Variants in KAT6A observed in about 807,000 individuals in gnomAD.
KAT6A encodes the protein lysine acetyltransferase 6A.
In KAT6A, 9 loss-of-function variants were observed where a neutral mutation model predicts 198.4. That is an observed-to-expected ratio of 0.05 (90% CI 0.03 to 0.08). The LOEUF (loss-of-function observed/expected upper bound fraction) is 0.08. Among genes scored for constraint, KAT6A ranks in the 10% least tolerant of loss-of-function variants. KAT6A has a pLI of 1.00. For synonymous variants in KAT6A, 890 were observed against 883.0 expected (o/e 1.01, Z -0.14); for missense variants, 2,077 against 2,509.9 (o/e 0.83, Z 3.69).
At chr8:41,971,463 C>T (rs1023878613) in intron 8 of KAT6A, among the ~76,000 whole-genome samples, 5 of 151,994 alleles carry the variant, frequency 3.3e-5, no homozygotes, top group Non-Finnish European at 5.9e-5. Context: ...CAAGGTGCAG[C>T]GACTGCAAAG....
intron 8 of KAT6A, among the ~76,000 whole-genome samples, chr8:41,960,413 C>A (rs1823147869): frequency 7.0e-6 from 1 of 143,062 alleles, no homozygotes; most frequent in Non-Finnish European, 1.5e-5. Context: ...ACTAAAAATA[C>A]AAAGAATGGC....
At chr8:42,005,670 T>A (rs1242420421) in intron 2 of KAT6A, among the ~76,000 whole-genome samples, 3 of 152,062 alleles carry the variant, frequency 2.0e-5, no homozygotes, top group Non-Finnish European at 4.4e-5. Flanking sequence ...AAAAACTGTT[T>A]TACAGGCTGC....
At chr8:41,980,309 C>T (rs950756898) in intron 5 of KAT6A, among the ~76,000 whole-genome samples, 5 of 151,902 alleles carry the variant, frequency 3.3e-5, no homozygotes, top group East Asian at 1.9e-4. Flanking sequence ...CATTAAGCTG[C>T]GCCCTTACAA....
chr8:42,011,895 G>GAAAAAAAAAA (rs35104277), intron 2 of KAT6A, among the ~76,000 whole-genome samples: 2 of 114,286 alleles, frequency 1.7e-5, no homozygotes, highest in Non-Finnish European at 3.8e-5. Context: ...AAAAGAAGAG[G>GAAAAAAAAAA]AAAAAAAAAA....
At chr8:41,959,680 G>A (rs1823096574) in intron 8 of KAT6A, among the ~76,000 whole-genome samples, 1 of 152,140 alleles carries the variant, frequency 6.6e-6, no homozygotes, top group African/African-American at 2.4e-5. Context: ...GGCAATGGTT[G>A]GGCGCTGGTG....
rs1821560717 is a variant in KAT6A, at chr8:41,931,861, T to TA, written c.*343dup. 4.3e-6 allele frequency: 1 copy of TA among 233,068 alleles called. No individual in the cohort carries two copies. The highest frequency in any genetic ancestry group is 8.4e-6 in the Non-Finnish European group (1 of 118,924). 14.4% of individuals were successfully genotyped at this position (233,068 alleles called of 1,614,324 possible). A position where few individuals can be genotyped will look rare whatever the true frequency, so the allele number is the denominator to read the frequency against. The stretch of plus-strand genomic sequence containing the variant: ...GGAAACATACATTTTAAAATAAAGA[T>TA]AATTCACTTTTACACAAATTCTGTC... On this transcript the variant is annotated 3_prime_UTR_variant, in exon 17 of 17. Coordinates refer to ENST00000265713, the MANE Select transcript of KAT6A (RefSeq NM_006766.5).
At chr8:41,938,890 G>C (rs755280352) in intron 15 of KAT6A, among the ~76,000 whole-genome samples, 1 of 148,714 alleles carries the variant, frequency 6.7e-6, no homozygotes, top group African/African-American at 2.5e-5. Flanking sequence ...GGAGGTTGCA[G>C]TGAGCTGAGA....
chr8:42,025,598 T>C (rs1377026186), intron 2 of KAT6A, among the ~76,000 whole-genome samples: 1 of 152,178 alleles, frequency 6.6e-6, no homozygotes, highest in Non-Finnish European at 1.5e-5. Flanking sequence ...AACTTGTTAA[T>C]AGGATTATTT....
chr8:42,033,570 C>T (rs1587850258), intron 2 of KAT6A, among the ~76,000 whole-genome samples: 1 of 152,144 alleles, frequency 6.6e-6, no homozygotes, highest in Non-Finnish European at 1.5e-5. Flanking sequence ...TACTCTCTTT[C>T]CCACCGCACC....
At chr8:42,031,769 T>A (rs988868578) in intron 2 of KAT6A, among the ~76,000 whole-genome samples, 1 of 151,458 alleles carries the variant, frequency 6.6e-6, no homozygotes, top group Non-Finnish European at 1.5e-5. Flanking sequence ...TAGCTGGGAT[T>A]ACAGACACCC....
chr8:41,990,057 A>T (rs987307747), intron 2 of KAT6A, among the ~76,000 whole-genome samples: 1 of 152,124 alleles, frequency 6.6e-6, no homozygotes, highest in Non-Finnish European at 1.5e-5. Flanking sequence ...TGGGGAAAAA[A>T]AAAAACCCAA....
rs1310763765 is a variant in KAT6A at position 41,932,676 on chromosome 8, T to C, written c.5544A>G (p.Gln1848=). 2 of 1,614,254 alleles carry C rather than the reference T, an allele frequency of 1.2e-6. No homozygotes were observed. The change falls in exon 17 of 17, where the codon CAA becomes CAG. Residue 1848 remains glutamine (Q), a synonymous_variant. Coordinates refer to ENST00000265713, the MANE Select transcript of KAT6A (RefSeq NM_006766.5). Reference sequence around the variant, plus strand: ...TGGAAATGTGCCCCTTCACTGGCATTTGCCCTTGCAATCTCTGCGTGTGAG... The same window carrying C: ...TGGAAATGTGCCCCTTCACTGGCATCTGCCCTTGCAATCTCTGCGTGTGAG... ...GIPHTQRLQG[Q]MPVKGHISIR...
chr8:41,936,290 T>C (rs1455304528), intron 16 of KAT6A, among the ~76,000 whole-genome samples: 1 of 152,164 alleles, frequency 6.6e-6, no homozygotes, highest in Admixed American at 6.5e-5. Flanking sequence ...AATAAAAAAG[T>C]ATTTGTTATA....
rs1261949357 is a variant in KAT6A at position 41,975,941 on chromosome 8, G to A, written c.1363+1067C>T. Among the ~76,000 whole-genome samples the A allele has an allele frequency of 3.9e-5, 6 of 152,174 alleles. 1 individual carries two copies. The highest frequency in any genetic ancestry group is 1.4e-4 in the African/African-American group (6 of 41,442). ...TTTCCTAGTTTAATCTAAACGGATTGCATATTTTCTTAGATAAACATGCTC... is the reference window on the plus strand; with the variant it reads ...TTTCCTAGTTTAATCTAAACGGATTACATATTTTCTTAGATAAACATGCTC... On this transcript the variant is annotated intron_variant, in intron 7 of 16. Coordinates refer to ENST00000265713, the MANE Select transcript of KAT6A (RefSeq NM_006766.5).
intron 2 of KAT6A, among the ~76,000 whole-genome samples, chr8:41,999,142 A>G (rs1408558332): frequency 6.6e-6 from 1 of 152,186 alleles, no homozygotes; most frequent in Admixed American, 6.5e-5. Context: ...TAAGAAATCA[A>G]TCATCTATTA....
intron 8 of KAT6A, among the ~76,000 whole-genome samples, chr8:41,960,627 C>T (rs1823161618): frequency 6.6e-6 from 1 of 151,204 alleles, no homozygotes; most frequent in Non-Finnish European, 1.5e-5. Context: ...ATATTGTGAC[C>T]TATCTTTCCC....
At chr8:41,949,543 ATCTTGTC>A (rs1488592459) in intron 9 of KAT6A, among the ~76,000 whole-genome samples, 180 bp from the exon 10 acceptor site, 1 of 152,222 alleles carries the variant, frequency 6.6e-6, no homozygotes, top group African/African-American at 2.4e-5. Flanking sequence ...AAATTACTGT[ATCTTGTC>A]TCATATTTAA....
rs770521888 is a variant in KAT6A at position 41,978,691 on chromosome 8, T to C, written c.994A>G (p.Thr332Ala). 5 of 1,614,050 alleles carry C rather than the reference T, an allele frequency of 3.1e-6. No homozygotes were observed. Among genetic ancestry groups the C allele is most frequent in the Non-Finnish European group, 4.2e-6 (5 of 1,180,008 alleles). Reference protein sequence around the residue: ...KKAAQIKRRYTNPIGRPKNRL... With the variant: ...KKAAQIKRRYANPIGRPKNRL... ...TTTTTTGGACGTCCTATTGGATTAG[T>C]ATAGCGCCGTTTTATCTGTGCTGCC... The change falls in exon 6 of 17, where the codon ACT (threonine) becomes GCT (alanine). Residue 332 changes from threonine to alanine, a missense_variant. Physicochemically the swap from Thr to Ala is moderately conservative, Grantham distance 58 (BLOSUM62 0). This residue lies in a region of KAT6A where 89 missense variants were observed against 154.4 expected (regional missense o/e 0.58). Transcript: ENST00000265713.
chr8:41,942,753 A>T, intron 14 of KAT6A, 40 bp downstream of exon 14: 2 of 1,597,540 alleles, frequency 1.3e-6, no homozygotes, highest in Non-Finnish European at 1.7e-6. Flanking sequence ...TCAAAAATAT[A>T]TCTTCTGTCA....
Sources: allele counts gnomAD v4.1 joint callset (sites outside exome capture counted in the v4.1 genomes callset), GRCh38; gene constraint gnomAD v4.1.1; regional missense constraint gnomAD v4.1.1; transcripts MANE v1.5; gene names NCBI Gene and HGNC (gene_info 2026-07-23, HGNC 2026-07-21).